The following ZNF609 variants were observed in gnomAD, a reference collection of about 807,000 sequenced individuals.
ZNF609 encodes the protein zinc finger protein 609.
In ZNF609, 11 loss-of-function variants were observed where a neutral mutation model predicts 109.5. The ratio of observed to expected loss-of-function variants is 0.10; its 90% CI spans 0.06 to 0.17. ZNF609 has a LOEUF of 0.17. ZNF609 is among the 10% of genes least tolerant of loss of function. ZNF609 has a pLI of 1.00. For synonymous variants in ZNF609, 646 were observed against 662.0 expected (o/e 0.98, Z 0.37); for missense variants, 1,559 against 1,772.4 (o/e 0.88, Z 2.16).
In ZNF609 at chr15:64,655,449, A is replaced by G. The variant is rs115214119; in HGVS notation, c.974-14897A>G. On this transcript the variant is annotated intron_variant, in intron 3 of 9. Transcript: ENST00000326648. ...AAAACTCCATCCCCCGCAAAAAATC[A>G]GAATGATATCTATAACATAATACTA... Among the ~76,000 whole-genome samples the G allele has an allele frequency of 6.1e-3, 932 of 152,310 alleles. 10 individuals carry two copies. Among genetic ancestry groups the G allele is most frequent in the African/African-American group, 0.021 (876 of 41,582 alleles).
chr15:64,598,072 A>C (rs923290226), intron 2 of ZNF609, among the ~76,000 whole-genome samples: 1 of 152,252 alleles, frequency 6.6e-6, no homozygotes. Flanking sequence ...ATTACTATAG[A>C]CATGATGGCT....
intron 2 of ZNF609, among the ~76,000 whole-genome samples, chr15:64,602,017 C>T (rs1357527272): frequency 6.6e-6 from 1 of 152,124 alleles, no homozygotes; most frequent in Non-Finnish European, 1.5e-5. Flanking sequence ...AAAAAGCTAT[C>T]ATTTACTTCA....
intron 2 of ZNF609, among the ~76,000 whole-genome samples, chr15:64,589,003 A>G (rs931503027): frequency 1.3e-5 from 2 of 152,094 alleles, no homozygotes; most frequent in Non-Finnish European, 1.5e-5. Flanking sequence ...AATAGGGGAG[A>G]TGGTTTACAC....
chr15:64,498,202 A>G (rs1402622271), intron 1 of ZNF609, among the ~76,000 whole-genome samples: 2 of 151,990 alleles, frequency 1.3e-5, no homozygotes, highest in African/African-American at 4.8e-5. Flanking sequence ...GGTGCCTGAC[A>G]CCACATCTGG....
chr15:64,473,936 G>A (rs1893129770), intron 1 of ZNF609, among the ~76,000 whole-genome samples: 2 of 151,588 alleles, frequency 1.3e-5, no homozygotes, highest in African/African-American at 2.4e-5. Context: ...CATTGCACTC[G>A]GCTAATTTTT....
intron 3 of ZNF609, among the ~76,000 whole-genome samples, chr15:64,659,344 A>C (rs1366138942): frequency 6.6e-6 from 1 of 152,222 alleles, no homozygotes; most frequent in African/African-American, 2.4e-5. Flanking sequence ...GTAGCTATAG[A>C]ATTTTTCCCC....
At chr15:64,506,581 G>A (rs1033639867) in intron 2 of ZNF609, among the ~76,000 whole-genome samples, 3 of 151,932 alleles carry the variant, frequency 2.0e-5, no homozygotes, top group East Asian at 3.9e-4. Context: ...TTAGTCGGGC[G>A]TGGTGGTGCA....
intron 1 of ZNF609, among the ~76,000 whole-genome samples, chr15:64,497,938 G>A (rs782186): frequency 0.98 from 149,355 of 151,892 alleles, 73,472 homozygotes; most frequent in East Asian, 1. Context: ...ATAGAGAAAG[G>A]TGGTGGACAG....
chr15:64,543,979 C>G lies in ZNF609; in HGVS notation c.747+43813C>G, dbSNP rs149005838. On this transcript the variant is annotated intron_variant, in intron 2 of 9. Coordinates refer to ENST00000326648, the MANE Select transcript of ZNF609 (RefSeq NM_015042.2). ...AGCACAACCCCTGGTAGTAGCTGTT[C>G]CATAAGTGCTCCTTGACTGACTCTC... 6.6e-3 allele frequency among the ~76,000 whole-genome samples: 1,001 copies of G among 152,182 alleles called. 8 individuals carry two copies. Among genetic ancestry groups the G allele is most frequent in the Non-Finnish European group, 7.1e-3 (482 of 68,016 alleles).
chr15:64,585,106 C>G (rs1895174791), intron 2 of ZNF609, among the ~76,000 whole-genome samples: 1 of 151,542 alleles, frequency 6.6e-6, no homozygotes, highest in Non-Finnish European at 1.5e-5. Context: ...GGGAGGATCA[C>G]TTGAGGTCAG....
chr15:64,664,734 C>G (rs1311211305), intron 3 of ZNF609, among the ~76,000 whole-genome samples: 1 of 152,190 alleles, frequency 6.6e-6, no homozygotes, highest in African/African-American at 2.4e-5. Flanking sequence ...TTTTGTCTTT[C>G]CATATCATAA....
At chr15:64,586,559 G>A (rs752937896) in intron 2 of ZNF609, among the ~76,000 whole-genome samples, 18 of 152,194 alleles carry the variant, frequency 1.2e-4, no homozygotes, top group Non-Finnish European at 2.5e-4. Context: ...ACATGAGAGG[G>A]ACCTAAGTCA....
At chr15:64,670,567 GT>G (rs1432624074) in intron 4 of ZNF609, 134 bp downstream of exon 4, 3 of 753,814 alleles carry the variant, frequency 4.0e-6, no homozygotes, top group Non-Finnish European at 4.5e-6. Flanking sequence ...GGAAAGCACT[GT>G]ATTTATCTGA....
rs533759819 is a variant in ZNF609, at chr15:64,474,528, C to G, written c.-128+13690C>G. ...CCTCACTTTTTAATCTGACCTAGTT[C>G]AGGTCTTCATCTTCTATATATTATT... On this transcript the variant is annotated intron_variant, in intron 1 of 9. Coordinates refer to ENST00000326648, the MANE Select transcript of ZNF609 (RefSeq NM_015042.2). Among the ~76,000 whole-genome samples the G allele has an allele frequency of 4.6e-5, 7 of 152,162 alleles. No homozygotes were observed. In the East Asian group the frequency reaches 1.4e-3, roughly 29 times the overall value.
At chr15:64,654,939 A>G (rs969415408) in intron 3 of ZNF609, among the ~76,000 whole-genome samples, 9 of 152,002 alleles carry the variant, frequency 5.9e-5, no homozygotes, top group Non-Finnish European at 1.3e-4. Context: ...TACTAAAAAT[A>G]CAAACAATTA....
chr15:64,471,878 C>T (rs1005234635), intron 1 of ZNF609, among the ~76,000 whole-genome samples: 5 of 151,712 alleles, frequency 3.3e-5, no homozygotes, highest in African/African-American at 7.3e-5. Context: ...CCACCATACC[C>T]GGCCAATATA....
intron 1 of ZNF609, among the ~76,000 whole-genome samples, chr15:64,479,284 ATTTTTTTT>A (rs34496032): frequency 1.3e-4 from 11 of 86,542 alleles, no homozygotes; most frequent in Non-Finnish European, 1.8e-4. Flanking sequence ...TACCTGTGTG[ATTTTTTTT>A]TTTTTTTTTT....
Position 64,622,769 on chromosome 15 carries a change from G to T in ZNF609, c.748-58G>T, listed in dbSNP as rs1895896267. ...TAGGACTAGATTAAATACAGAAAAG[G>T]TATTTCCTCTAAATGTTCTCCCTGC... On this transcript the variant is annotated intron_variant, in intron 2 of 9. Transcript: ENST00000326648. 2.8e-6 allele frequency: 4 copies of T among 1,415,594 alleles called. No individual in the cohort carries two copies. In the Admixed American group the frequency reaches 5.0e-5, roughly 18 times the overall value. The allele number at this position is 1,415,594 out of a possible 1,614,324, so 87.7% of individuals were successfully genotyped here.
chr15:64,622,565 A>G (rs1895892688), intron 2 of ZNF609, among the ~76,000 whole-genome samples: 1 of 152,206 alleles, frequency 6.6e-6, no homozygotes, highest in Admixed American at 6.5e-5. Flanking sequence ...ATTTTAGCCA[A>G]GTGCAGTTTA....
Sources: allele counts gnomAD v4.1 joint callset (sites outside exome capture counted in the v4.1 genomes callset), GRCh38; gene constraint gnomAD v4.1.1; transcripts MANE v1.5; gene names NCBI Gene and HGNC (gene_info 2026-07-23, HGNC 2026-07-21).